OTOP1: variants seen among roughly 807,000 people sequenced by gnomAD.
OTOP1 encodes otopetrin 1.
OTOP1 carries 59 observed loss-of-function variants against 52.9 expected under a neutral mutation model. The observed-to-expected ratio is 1.12, with a 90% CI of 0.91 to 1.39. The LOEUF (loss-of-function observed/expected upper bound fraction) is 1.39. Ranked by LOEUF, OTOP1 falls within the 40% of genes most tolerant of loss-of-function variation. The pLI, the probability that OTOP1 is intolerant of heterozygous loss-of-function variation, is 0.00. For synonymous variants in OTOP1, 317 were observed against 337.7 expected (o/e 0.94, Z 0.67); for missense variants, 761 against 800.9 (o/e 0.95, Z 0.60).
rs60333828 is a variant in OTOP1, at chr4:4,213,580, T to A, written c.404-576A>T. On this transcript the variant is annotated intron_variant, in intron 1 of 5. Coordinates refer to ENST00000296358, the MANE Select transcript of OTOP1 (RefSeq NM_177998.3). Reference sequence around the variant, plus strand: ...ATCGTACAGTACTGTCCTTTGGTGGTTGAGTTTATTTTACTTCGCATAATG... The same window carrying A: ...ATCGTACAGTACTGTCCTTTGGTGGATGAGTTTATTTTACTTCGCATAATG... 7.2e-5 allele frequency among the ~76,000 whole-genome samples: 11 copies of A among 152,274 alleles called. No homozygotes were observed. The South Asian group carries it at 1.9e-3, about 26-fold the overall frequency.
chr4:4,207,330 C>G (rs916014235), intron 2 of OTOP1, among the ~76,000 whole-genome samples: 1 of 152,134 alleles, frequency 6.6e-6, no homozygotes, highest in Non-Finnish European at 1.5e-5. Context: ...AACTACCTAC[C>G]AACATTGAAA....
chr4:4,212,654 G>A (rs1346190270), intron 2 of OTOP1, among the ~76,000 whole-genome samples: 1 of 152,168 alleles, frequency 6.6e-6, no homozygotes, highest in Non-Finnish European at 1.5e-5. Flanking sequence ...CTGCCTCATA[G>A]GATCCCTGCA....
In OTOP1 at chr4:4,197,562, G is replaced by A. The variant is rs750211022; in HGVS notation, c.1272C>T (p.Tyr424=). ...CAEGHPRYTW[Y]NLPYSILAIV... ...TCGCCAGGATGGAGTAGGGCAGGTT[G>A]TACCAGGTGTAGCGGGGGTGGCCCT... Residue 424 remains tyrosine (Y), a synonymous_variant, in exon 5 of 6, where the codon TAC becomes TAT. Coordinates refer to ENST00000296358, the MANE Select transcript of OTOP1 (RefSeq NM_177998.3). 1 of 1,614,016 alleles carries A rather than the reference G, an allele frequency of 6.2e-7. No homozygotes were observed. The highest frequency in any genetic ancestry group is 1.3e-5 in the African/African-American group (1 of 74,900).
chr4:4,194,769 C>T (rs1366390079), intron 5 of OTOP1, among the ~76,000 whole-genome samples: 1 of 152,196 alleles, frequency 6.6e-6, no homozygotes, highest in African/African-American at 2.4e-5. Flanking sequence ...TGGACTGGGG[C>T]ACTCCCCTCC....
chr4:4,204,375 C>T (rs1716852086), intron 3 of OTOP1, among the ~76,000 whole-genome samples: 2 of 152,154 alleles, frequency 1.3e-5, no homozygotes, highest in South Asian at 4.1e-4. Context: ...TGCCGTTTGC[C>T]TCATACTGGC....
chr4:4,198,657 C>T (rs1198060746), intron 4 of OTOP1, among the ~76,000 whole-genome samples: 1 of 152,134 alleles, frequency 6.6e-6, no homozygotes, highest in Admixed American at 6.5e-5. Context: ...CCAGTGCAAG[C>T]AGGCATGCAG....
intron 1 of OTOP1, among the ~76,000 whole-genome samples, chr4:4,213,270 C>T (rs1375609543): frequency 6.6e-6 from 1 of 152,054 alleles, no homozygotes; most frequent in Non-Finnish European, 1.5e-5. Flanking sequence ...GATAAAAGAT[C>T]TAAATATAAA....
chr4:4,226,455 G>A lies in OTOP1; in HGVS notation c.403+7C>T. ...CGGAGACCCGCTCGCCCGGCGCCTG[G>A]ACTCACCGCGCAGCCAGCCGGCACC... On this transcript the variant is annotated splice_region_variant and intron_variant, in intron 1 of 5. Transcript: ENST00000296358. 2 of 1,461,758 alleles carry A rather than the reference G, an allele frequency of 1.4e-6. No homozygotes were observed. The highest frequency in any genetic ancestry group is 1.8e-6 in the Non-Finnish European group (2 of 1,112,440). The allele number at this position is 1,461,758 out of a possible 1,614,324, so 90.5% of individuals were successfully genotyped here.
intron 1 of OTOP1, among the ~76,000 whole-genome samples, chr4:4,224,554 G>A (rs1039395517): frequency 3.3e-5 from 5 of 152,186 alleles, no homozygotes; most frequent in African/African-American, 1.2e-4. Flanking sequence ...GCCTGTGTAA[G>A]TCAATATCCT....
At chr4:4,198,186 G>C in intron 4 of OTOP1, 83 bp from the exon 5 acceptor site, 2 of 1,195,868 alleles carry the variant, frequency 1.7e-6, no homozygotes, top group Non-Finnish European at 2.4e-6. Context: ...TGTTTCCACC[G>C]TGGATTCAGG....
intron 1 of OTOP1, among the ~76,000 whole-genome samples, chr4:4,222,506 C>A (rs1022716793): frequency 2.0e-5 from 3 of 152,126 alleles, no homozygotes; most frequent in Non-Finnish European, 4.4e-5. Context: ...ATTTCCTTTC[C>A]AATGAAAGCC....
intron 1 of OTOP1, among the ~76,000 whole-genome samples, chr4:4,223,409 A>AGATGGATGGATGGATG (rs35580858): frequency 3.8e-4 from 57 of 149,112 alleles, no homozygotes; most frequent in African/African-American, 1.4e-3. Context: ...ATGGACGGAC[A>AGATGGATGGATGGATG]GATGGATGGA....
chr4:4,202,984 T>C (rs1716823325), intron 3 of OTOP1, among the ~76,000 whole-genome samples: 1 of 152,032 alleles, frequency 6.6e-6, no homozygotes, highest in Non-Finnish European at 1.5e-5. Context: ...CCACTGGAAA[T>C]CTGGAGAGCA....
chr4:4,195,707 C>T (rs752861689), intron 5 of OTOP1, among the ~76,000 whole-genome samples: 1 of 152,170 alleles, frequency 6.6e-6, no homozygotes, highest in Non-Finnish European at 1.5e-5. Context: ...GAAGACACTG[C>T]GAATCAAATT....
At chr4:4,218,735 C>T (rs11935739) in intron 1 of OTOP1, among the ~76,000 whole-genome samples, 82,377 of 151,840 alleles carry the variant, frequency 0.54, 22,929 homozygotes, top group Non-Finnish European at 0.62. Context: ...CGAGACCAGC[C>T]GGGCCAACAT....
chr4:4,213,951 A>T (rs1717081490), intron 1 of OTOP1, among the ~76,000 whole-genome samples: 1 of 152,238 alleles, frequency 6.6e-6, no homozygotes, highest in South Asian at 2.1e-4. Context: ...TAGCCTTGGT[A>T]TGGTGGTGCA....
intron 2 of OTOP1, among the ~76,000 whole-genome samples, chr4:4,209,999 G>C (rs1716989744): frequency 6.6e-6 from 1 of 152,142 alleles, no homozygotes; most frequent in Non-Finnish European, 1.5e-5. Flanking sequence ...CTCACCCCAA[G>C]CTGCCGAAAT....
At position 4,197,620 on chromosome 4, in the gene OTOP1, G is replaced by A; in HGVS notation, c.1214C>T (p.Ser405Phe). 6.2e-7 allele frequency: 1 copy of A among 1,613,980 alleles called. No homozygotes were observed. ...GAGGATGGCCAAGATTGAGCCCCAG[G>A]AGATAAGCCAGGAGCCCGAGGCAGT... ...VGTASGSWLI[S>F]WGSILAILCA... The change falls in exon 5 of 6, where the codon TCC (serine) becomes TTC (phenylalanine). Residue 405 changes from serine (S) to phenylalanine (F), a missense_variant. Physicochemically the swap from Ser to Phe is radical, Grantham distance 155. Coordinates refer to ENST00000296358, the MANE Select transcript of OTOP1 (RefSeq NM_177998.3).
At chr4:4,202,976 A>G (rs377382695) in intron 3 of OTOP1, among the ~76,000 whole-genome samples, 1 of 152,218 alleles carries the variant, frequency 6.6e-6, no homozygotes, top group African/African-American at 2.4e-5. Flanking sequence ...AAAGAGTACC[A>G]CTGGAAATCT....
Sources: gnomAD v4.1 joint callset for allele counts (sites outside exome capture counted in the v4.1 genomes callset) on GRCh38, gnomAD v4.1.1 for gene constraint, MANE v1.5 for transcripts, NCBI Gene and HGNC (gene_info 2026-07-23, HGNC 2026-07-21) for gene names.